TASOR: variants seen among roughly 807,000 people sequenced by gnomAD.
TASOR encodes the protein protein TASOR.
Under a neutral mutation model 178.6 loss-of-function variants are expected in TASOR, and 53 were observed. The observed-to-expected ratio is 0.30, with a 90% CI of 0.24 to 0.37. The LOEUF (loss-of-function observed/expected upper bound fraction) is 0.37, where lower values mean the gene tolerates loss of function less well. TASOR is among the 10% of genes least tolerant of loss of function. The pLI, the probability that TASOR is intolerant of heterozygous loss-of-function variation, is 1.00. For synonymous variants in TASOR, 713 were observed against 696.2 expected (o/e 1.02, Z -0.38); for missense variants, 1,815 against 1,971.4 (o/e 0.92, Z 1.50).
intron 23 of TASOR, among the ~76,000 whole-genome samples, chr3:56,624,146 T>A (rs1163293834): frequency 2.0e-5 from 3 of 152,190 alleles, no homozygotes; most frequent in Admixed American, 2.0e-4. Context: ...CCTACCTTTT[T>A]ATTAATATAA....
chr3:56,672,933 G>A (rs2030879151), intron 2 of TASOR, among the ~76,000 whole-genome samples: 1 of 152,122 alleles, frequency 6.6e-6, no homozygotes, highest in African/African-American at 2.4e-5. Context: ...CAATTCTCCT[G>A]CCTCACCCTC....
At chr3:56,664,011 TA>T (rs1351784524) in intron 7 of TASOR, 7 of 249,782 alleles carry the variant, frequency 2.8e-5, no homozygotes, top group Non-Finnish European at 3.8e-5. Flanking sequence ...CCAACCTACA[TA>T]AATCTAATGA....
chr3:56,666,504 T>A, intron 6 of TASOR, 120 bp from the exon 7 acceptor site: 2 of 658,186 alleles, frequency 3.0e-6, no homozygotes, highest in East Asian at 3.2e-5. Flanking sequence ...AAAATGTCTT[T>A]AAGCTCTGCG....
Position 56,624,461 on chromosome 3 carries a change from A to G in TASOR, c.4483+18T>C. The G allele has an allele frequency of 1.9e-6, 3 of 1,603,996 alleles. No individual in the cohort carries two copies. The highest frequency in any genetic ancestry group is 2.6e-6 in the Non-Finnish European group (3 of 1,176,204). ...TTTCTGTCTGCGTTAAAGAAAATGA[A>G]AACCACTGAAAAGTTACCTGACTGC... On this transcript the variant is annotated intron_variant, in intron 23 of 23. Transcript: ENST00000683822.
At chr3:56,644,211 T>C (rs1250429121) in intron 14 of TASOR, among the ~76,000 whole-genome samples, 1 of 152,242 alleles carries the variant, frequency 6.6e-6, no homozygotes, top group Non-Finnish European at 1.5e-5. Flanking sequence ...TGAGATGATT[T>C]TCTCATCTGC....
At chr3:56,673,521 T>C (rs549065508) in intron 2 of TASOR, 59 bp downstream of exon 2, 298 of 1,330,148 alleles carry the variant, frequency 2.2e-4, no homozygotes, top group South Asian at 8.5e-4. Context: ...AACATTTTTT[T>C]CCCAGGCTGT....
At chr3:56,669,037 C>A (rs752061226) in intron 5 of TASOR, among the ~76,000 whole-genome samples, 6 of 145,864 alleles carry the variant, frequency 4.1e-5, no homozygotes, top group East Asian at 2.1e-4. Flanking sequence ...TAAGAAAAAG[C>A]TAATCACTAA....
intron 14 of TASOR, 70 bp downstream of exon 14, chr3:56,646,452 G>A (rs545074004): frequency 1.5e-5 from 19 of 1,271,508 alleles, no homozygotes; most frequent in South Asian, 8.8e-5. Context: ...TAATTTATAC[G>A]CCCCTCTGCT....
intron 16 of TASOR, 25 bp from the exon 17 acceptor site, chr3:56,638,790 CT>C: frequency 6.2e-7 from 1 of 1,612,440 alleles, no homozygotes; most frequent in Non-Finnish European, 8.5e-7. Flanking sequence ...CCATTAGACT[CT>C]CTTCAGACAT....
intron 11 of TASOR, among the ~76,000 whole-genome samples, chr3:56,651,364 A>C (rs1348537811): frequency 1.3e-5 from 2 of 151,534 alleles, no homozygotes; most frequent in Non-Finnish European, 2.9e-5. Context: ...GTATTATAGC[A>C]CTCCCCCACC....
chr3:56,639,457 T>C (rs1204936016), intron 16 of TASOR, among the ~76,000 whole-genome samples: 4 of 152,166 alleles, frequency 2.6e-5, no homozygotes, highest in African/African-American at 9.6e-5. Context: ...ACTTTTTGCC[T>C]CACAGTTCAA....
intron 1 of TASOR, among the ~76,000 whole-genome samples, chr3:56,677,877 T>C (rs577695058): frequency 2.0e-4 from 31 of 152,292 alleles, no homozygotes; most frequent in Admixed American, 1.8e-3. Context: ...GCAGTAGCAA[T>C]AGAAGTTCTT....
intron 18 of TASOR, among the ~76,000 whole-genome samples, chr3:56,631,818 C>T (rs1164466062): frequency 1.3e-5 from 2 of 152,052 alleles, no homozygotes; most frequent in Non-Finnish European, 1.5e-5. Flanking sequence ...CTCCTGAACT[C>T]GTGATCCACC....
chr3:56,667,080 C>T (rs1276193642), intron 6 of TASOR, among the ~76,000 whole-genome samples: 21 of 152,080 alleles, frequency 1.4e-4, no homozygotes, highest in Admixed American at 5.9e-4. Context: ...TTTTAAAAAA[C>T]GTAAGGCCAG....
intron 7 of TASOR, chr3:56,664,243 A>G (rs927684906): frequency 6.6e-6 from 1 of 152,242 alleles, no homozygotes; most frequent in African/African-American, 2.4e-5. Flanking sequence ...TTCAAGGTAC[A>G]AGGATGGATG....
intron 15 of TASOR, among the ~76,000 whole-genome samples, chr3:56,640,423 C>T (rs145556800): frequency 1.7e-3 from 257 of 152,270 alleles, no homozygotes; most frequent in African/African-American, 5.9e-3. Flanking sequence ...AATACCTAAA[C>T]AAATGGACAC....
rs2076701137 is a variant in TASOR, at chr3:56,622,232, T to G, written c.*805A>C. The stretch of plus-strand genomic sequence containing the variant: ...GGAATAGATACGGGTTTGAAAGCTA[T>G]CTCCACTGTATCTGTCTAGTATAGC... On this transcript the variant is annotated 3_prime_UTR_variant, in exon 24 of 24. Coordinates refer to ENST00000683822, the MANE Select transcript of TASOR (RefSeq NM_001365635.2). 1 of 152,178 alleles carries G rather than the reference T, an allele frequency of 6.6e-6. No individual in the cohort carries two copies. Among genetic ancestry groups the G allele is most frequent in the Non-Finnish European group, 1.5e-5 (1 of 68,020 alleles). The allele number at this position is 152,178 out of a possible 1,614,324, so 9.4% of individuals were successfully genotyped here.
chr3:56,641,917 A>G (rs901890074), intron 14 of TASOR, among the ~76,000 whole-genome samples, 165 bp from the exon 15 acceptor site: 1 of 152,236 alleles, frequency 6.6e-6, no homozygotes, highest in Non-Finnish European at 1.5e-5. Context: ...AAGAATTGTA[A>G]AATTTTGCAC....
At position 56,666,337 on chromosome 3, in the gene TASOR, T is replaced by C. The variant is rs2029965380; in HGVS notation, c.945A>G (p.Arg315=). The change falls in exon 7 of 24, where the codon AGA becomes AGG. Residue 315 remains arginine (R), a synonymous_variant. Transcript: ENST00000683822. ...ACACAACTGCATATGGACAAACGTG[T>C]CTTGGTCTTCGCCTTAGCTCATCAA... ...YGFDELRRRP[R]HVCPYAVVSF... is the part of the protein sequence containing the mutation. 1 of 1,546,170 alleles carries C rather than the reference T, an allele frequency of 6.5e-7. No individual in the cohort carries two copies. Among genetic ancestry groups the C allele is most frequent in the African/African-American group, 1.4e-5 (1 of 72,856 alleles).
Sources: gnomAD v4.1 joint callset for allele counts (sites outside exome capture counted in the v4.1 genomes callset) on GRCh38, gnomAD v4.1.1 for gene constraint, MANE v1.5 for transcripts, NCBI Gene and HGNC (gene_info 2026-07-23, HGNC 2026-07-21) for gene names.